CPED1: variants seen among roughly 807,000 people sequenced by gnomAD.
The protein encoded by CPED1 is cadherin like and PC-esterase domain containing 1.
Under a neutral mutation model 128.2 loss-of-function variants are expected in CPED1, and 114 were observed. That is an observed-to-expected ratio of 0.89 (90% CI 0.76 to 1.04). CPED1 has a LOEUF of 1.04. Ranked by LOEUF, CPED1 falls within the 50% of genes least tolerant of loss-of-function variation. The probability of loss-of-function intolerance (pLI) is 0.00; values close to 1 mark genes in which losing one functional copy is unlikely to be tolerated. For missense variants in CPED1, 1,211 were observed against 1,207.1 expected (o/e 1.00, Z -0.05); for synonymous variants, 462 against 426.7 (o/e 1.08, Z -1.02).
At chr7:121,035,744 G>A (rs1035431516) in intron 3 of CPED1, among the ~76,000 whole-genome samples, 2 of 151,894 alleles carry the variant, frequency 1.3e-5, no homozygotes, top group East Asian at 3.9e-4. Context: ...GAGGCAGGAG[G>A]AACACTTGAG....
intron 5 of CPED1, among the ~76,000 whole-genome samples, chr7:121,081,668 C>A (rs1180873006): frequency 6.6e-6 from 1 of 152,134 alleles, no homozygotes; most frequent in African/African-American, 2.4e-5. Flanking sequence ...AAAGGAGGTA[C>A]TCTGATTTAG....
At chr7:121,244,441 A>AGGAATT in intron 18 of CPED1, 103 bp downstream of exon 18, 1 of 1,224,144 alleles carries the variant, frequency 8.2e-7, no homozygotes, top group Non-Finnish European at 1.2e-6. Flanking sequence ...GTCTCACAGC[A>AGGAATT]GAGGAAAACT....
At chr7:121,085,978 T>C (rs1794418051) in intron 5 of CPED1, among the ~76,000 whole-genome samples, 1 of 152,198 alleles carries the variant, frequency 6.6e-6, no homozygotes, top group African/African-American at 2.4e-5. Context: ...ATTTATACCA[T>C]TGTGATCCAA....
intron 16 of CPED1, among the ~76,000 whole-genome samples, chr7:121,212,141 G>A (rs1164667097): frequency 6.6e-6 from 1 of 151,976 alleles, no homozygotes; most frequent in Non-Finnish European, 1.5e-5. Flanking sequence ...AACCGATATG[G>A]CTGTGTTGGG....
At chr7:121,070,952 TGA>T (rs1291977497) in intron 5 of CPED1, among the ~76,000 whole-genome samples, 3 of 152,272 alleles carry the variant, frequency 2.0e-5, no homozygotes, top group African/African-American at 7.2e-5. Context: ...TGTTCTGACT[TGA>T]TCCAGGGACA....
intron 22 of CPED1, among the ~76,000 whole-genome samples, chr7:121,274,517 T>C (rs1792295996): frequency 6.6e-6 from 1 of 152,174 alleles, no homozygotes; most frequent in Non-Finnish European, 1.5e-5. Flanking sequence ...AGTAGTGTTA[T>C]CTATTTTGAA....
intron 7 of CPED1, among the ~76,000 whole-genome samples, chr7:121,116,997 T>C (rs1444166604): frequency 2.7e-5 from 4 of 147,610 alleles, no homozygotes; most frequent in African/African-American, 7.5e-5. Context: ...CACACATATA[T>C]ATACACACAC....
chr7:121,210,192 C>T (rs911656324), intron 16 of CPED1, among the ~76,000 whole-genome samples: 1 of 151,812 alleles, frequency 6.6e-6, no homozygotes, highest in Non-Finnish European at 1.5e-5. Flanking sequence ...GAAAGGAGAA[C>T]CTTATATGCT....
At chr7:121,258,672 A>G (rs1313602184) in intron 18 of CPED1, among the ~76,000 whole-genome samples, 1 of 152,076 alleles carries the variant, frequency 6.6e-6, no homozygotes, top group Non-Finnish European at 1.5e-5. Flanking sequence ...GGCACTAGAG[A>G]AGATTCTGAG....
chr7:121,065,342 A>T (rs1238101266), intron 5 of CPED1, among the ~76,000 whole-genome samples: 6 of 152,186 alleles, frequency 3.9e-5, no homozygotes, highest in East Asian at 1.9e-4. Context: ...CATAAGCTGA[A>T]TTTTTTTTGT....
intron 5 of CPED1, among the ~76,000 whole-genome samples, chr7:121,069,252 A>G (rs1161180102): frequency 6.6e-6 from 1 of 152,154 alleles, no homozygotes; most frequent in Non-Finnish European, 1.5e-5. Context: ...TCTGAGGCTT[A>G]GTTATCGTAT....
chr7:121,290,891 G>C (rs1792685146), intron 22 of CPED1, among the ~76,000 whole-genome samples: 2 of 152,146 alleles, frequency 1.3e-5, no homozygotes, highest in Admixed American at 6.5e-5. Context: ...CCTATGTCCT[G>C]AATGGTATTG....
Position 121,179,763 on chromosome 7 carries a change from C to T in CPED1, c.2055+37622C>T, listed in dbSNP as rs937282547. ...GTATTAAAGGTCATTGTTCCTTAGC[C>T]TTGCCCCAAAGTAGTAAGGGAAGTA... On this transcript the variant is annotated intron_variant, in intron 16 of 22. Transcript: ENST00000310396. Among the ~76,000 whole-genome samples, 29 of 152,150 alleles carry T rather than the reference C, an allele frequency of 1.9e-4. 1 individual carries two copies. The highest frequency in any genetic ancestry group is 7.0e-4 in the African/African-American group (29 of 41,534).
chr7:121,195,802 C>T (rs1246536921), intron 16 of CPED1, among the ~76,000 whole-genome samples: 1 of 152,118 alleles, frequency 6.6e-6, no homozygotes, highest in Non-Finnish European at 1.5e-5. Flanking sequence ...TTACCGGTAT[C>T]TTGACTTCTA....
chr7:121,271,487 G>A, intron 22 of CPED1, 57 bp downstream of exon 22: 3 of 1,519,796 alleles, frequency 2.0e-6, no homozygotes, highest in South Asian at 1.2e-5. Context: ...ATTGTTTGTT[G>A]TATCTTTAAT....
chr7:121,231,003 G>A (rs1479227823), intron 16 of CPED1, among the ~76,000 whole-genome samples: 1 of 151,994 alleles, frequency 6.6e-6, no homozygotes, highest in East Asian at 1.9e-4. Flanking sequence ...CCCTGAGAGT[G>A]GCCTAGACAG....
intron 6 of CPED1, among the ~76,000 whole-genome samples, chr7:121,098,251 A>G (rs1235253295): frequency 1.3e-5 from 2 of 152,126 alleles, no homozygotes; most frequent in East Asian, 1.9e-4. Flanking sequence ...AAGTTATCCA[A>G]GTTTTCTCCA....
At chr7:121,175,557 A>G (rs1796755986) in intron 16 of CPED1, among the ~76,000 whole-genome samples, 1 of 152,080 alleles carries the variant, frequency 6.6e-6, no homozygotes, top group African/African-American at 2.4e-5. Flanking sequence ...TTTCAAATGT[A>G]GGTAGTTTGG....
intron 16 of CPED1, among the ~76,000 whole-genome samples, chr7:121,190,431 G>A (rs1328128147): frequency 1.3e-5 from 2 of 149,974 alleles, no homozygotes; most frequent in African/African-American, 2.5e-5. Context: ...TTATTGGACA[G>A]GGGTCAGGAG....
Sources: gnomAD v4.1 joint callset for allele counts (sites outside exome capture counted in the v4.1 genomes callset) on GRCh38, gnomAD v4.1.1 for gene constraint, MANE v1.5 for transcripts, NCBI Gene and HGNC (gene_info 2026-07-23, HGNC 2026-07-21) for gene names.